The following BMPER variants were observed in gnomAD, a reference collection of about 807,000 sequenced individuals.
BMPER encodes the protein BMP binding endothelial regulator.
A neutral mutation model predicts 87.3 loss-of-function variants in BMPER; 45 were observed. The ratio of observed to expected loss-of-function variants is 0.52; its 90% CI spans 0.41 to 0.66. BMPER has a LOEUF of 0.66. Ranked by LOEUF, BMPER falls within the 30% of genes least tolerant of loss-of-function variation. BMPER has a pLI of 0.00. For synonymous variants in BMPER, 326 were observed against 316.2 expected (o/e 1.03, Z -0.33); for missense variants, 784 against 867.5 (o/e 0.90, Z 1.21).
At chr7:34,039,614 A>G (rs1253554917) in intron 6 of BMPER, among the ~76,000 whole-genome samples, 1 of 150,490 alleles carries the variant, frequency 6.6e-6, no homozygotes, top group Non-Finnish European at 1.5e-5. Context: ...ACACACACAC[A>G]CACACACACA....
intron 7 of BMPER, among the ~76,000 whole-genome samples, chr7:34,047,669 A>C (rs1207135213): frequency 1.3e-5 from 2 of 152,050 alleles, no homozygotes; most frequent in African/African-American, 2.4e-5. Context: ...GCCACCATGC[A>C]AATACAATAG....
intron 13 of BMPER, among the ~76,000 whole-genome samples, chr7:34,138,769 T>A (rs1014910100): frequency 6.6e-6 from 1 of 152,190 alleles, no homozygotes; most frequent in Non-Finnish European, 1.5e-5. Context: ...CTCAGAGTAA[T>A]GCAACCTGTG....
intron 11 of BMPER, among the ~76,000 whole-genome samples, chr7:34,063,397 GT>G (rs1293961014): frequency 4.8e-5 from 7 of 145,428 alleles, no homozygotes; most frequent in Non-Finnish European, 9.0e-5. Context: ...GTGTGTGTGT[GT>G]GTGTGTGTAT....
At chr7:34,110,501 C>T (rs1309614224) in intron 13 of BMPER, among the ~76,000 whole-genome samples, 2 of 152,208 alleles carry the variant, frequency 1.3e-5, no homozygotes, top group East Asian at 3.9e-4. Context: ...AGAACAACAG[C>T]TGGCCTGCTG....
intron 14 of BMPER, among the ~76,000 whole-genome samples, chr7:34,151,430 G>A (rs1188777486): frequency 1.3e-5 from 2 of 152,180 alleles, no homozygotes; most frequent in Non-Finnish European, 2.9e-5. Context: ...AGTAGTATGT[G>A]TAAAGAAGAA....
intron 3 of BMPER, among the ~76,000 whole-genome samples, chr7:33,952,764 C>G (rs931974089): frequency 2.6e-5 from 4 of 152,084 alleles, no homozygotes; most frequent in African/African-American, 9.7e-5. Context: ...GAAGTTGATT[C>G]CTTTATTTTC....
At chr7:34,087,853 T>A (rs1373734993) in intron 13 of BMPER, among the ~76,000 whole-genome samples, 3 of 152,210 alleles carry the variant, frequency 2.0e-5, no homozygotes, top group African/African-American at 7.2e-5. Context: ...GGAGAGAAGG[T>A]CTGAAGAGAT....
At chr7:34,012,394 G>T (rs1049895462) in intron 6 of BMPER, among the ~76,000 whole-genome samples, 1 of 151,914 alleles carries the variant, frequency 6.6e-6, no homozygotes, top group Non-Finnish European at 1.5e-5. Flanking sequence ...GAAGGAATTG[G>T]CATTAATCAT....
intron 13 of BMPER, among the ~76,000 whole-genome samples, chr7:34,119,010 T>A (rs1454110597): frequency 0.045 from 1,523 of 33,940 alleles, 18 homozygotes; most frequent in Middle Eastern, 0.13. Context: ...TCTCTCTCTC[T>A]CTCTCACACA....
chr7:34,101,508 A>T (rs1789681828), intron 13 of BMPER, among the ~76,000 whole-genome samples: 1 of 152,214 alleles, frequency 6.6e-6, no homozygotes. Flanking sequence ...TTGTGCACTA[A>T]TCAGTGAAAT....
chr7:34,030,867 TG>T (rs1010374721), intron 6 of BMPER, among the ~76,000 whole-genome samples: 4 of 152,094 alleles, frequency 2.6e-5, no homozygotes, highest in Non-Finnish European at 4.4e-5. Flanking sequence ...CCTCCCAAAG[TG>T]CTGGGATTAC....
chr7:34,049,916 ATATTTCT>A (rs1788103687), intron 7 of BMPER, among the ~76,000 whole-genome samples: 2 of 152,168 alleles, frequency 1.3e-5, no homozygotes, highest in Admixed American at 6.5e-5. Context: ...CTGCTCATTC[ATATTTCT>A]TATTATAATG....
At chr7:34,105,235 G>A (rs73690149) in intron 13 of BMPER, among the ~76,000 whole-genome samples, 97 of 152,336 alleles carry the variant, frequency 6.4e-4, no homozygotes, top group African/African-American at 2.1e-3. Flanking sequence ...CACAATGGAA[G>A]CTGTCAGGGC....
intron 3 of BMPER, 22 bp from the exon 4 acceptor site, chr7:33,966,457 T>C (rs1354195617): frequency 1.2e-6 from 2 of 1,606,804 alleles, no homozygotes. Flanking sequence ...CCTTTCTTCC[T>C]GCTTCTGTGT....
chr7:33,911,884 G>A (rs544390488), intron 2 of BMPER, among the ~76,000 whole-genome samples: 41 of 152,298 alleles, frequency 2.7e-4, no homozygotes, highest in South Asian at 1.0e-3. Flanking sequence ...ATATGGAATA[G>A]GATGCAAAAT....
chr7:34,053,555 C>T (rs1245893126), intron 8 of BMPER, among the ~76,000 whole-genome samples: 1 of 152,164 alleles, frequency 6.6e-6, no homozygotes, highest in Non-Finnish European at 1.5e-5. Flanking sequence ...TCAATTAACA[C>T]ATATTTTGTA....
At chr7:34,079,441 A>G (rs1005447245) in intron 12 of BMPER, among the ~76,000 whole-genome samples, 55 of 152,240 alleles carry the variant, frequency 3.6e-4, no homozygotes, top group African/African-American at 1.3e-3. Context: ...CAGTCTTGCA[A>G]TCTTCCCACA....
chr7:34,153,898 T>C lies in BMPER; in HGVS notation c.*625T>C, dbSNP rs1359078088. 1 of 156,042 alleles carries C rather than the reference T, an allele frequency of 6.4e-6. No individual in the cohort carries two copies. The highest frequency in any genetic ancestry group is 2.4e-5 in the African/African-American group (1 of 41,466). The allele number at this position is 156,042 out of a possible 1,614,324, so 9.7% of individuals were successfully genotyped here. ...GATTGGCTGGTTGCCAAGAAATATA[T>C]ATTTGTCACTAGGGCATAACCGAAG... On this transcript the variant is annotated 3_prime_UTR_variant, in exon 15 of 15. Coordinates refer to ENST00000649409, the MANE Select transcript of BMPER (RefSeq NM_001365308.1).
intron 5 of BMPER, 51 bp downstream of exon 5, chr7:33,970,470 A>T: frequency 6.4e-7 from 1 of 1,561,288 alleles, no homozygotes; most frequent in Non-Finnish European, 8.8e-7. Flanking sequence ...TTCTTTCAGG[A>T]ATGCATGAAT....
Sources: allele counts gnomAD v4.1 joint callset (sites outside exome capture counted in the v4.1 genomes callset), GRCh38; gene constraint gnomAD v4.1.1; transcripts MANE v1.5; gene names NCBI Gene and HGNC (gene_info 2026-07-23, HGNC 2026-07-21).